Variants in AOPEP observed in about 807,000 individuals in gnomAD.
The protein encoded by AOPEP is aminopeptidase O.
In AOPEP, 77 loss-of-function variants were observed where a neutral mutation model predicts 98.1. The observed-to-expected ratio is 0.78, with a 90% CI of 0.65 to 0.95. The LOEUF (loss-of-function observed/expected upper bound fraction) is 0.95, where lower values mean the gene tolerates loss of function less well. Among genes scored for constraint, AOPEP ranks in the 40% least tolerant of loss-of-function variants. AOPEP has a pLI of 0.00. For synonymous variants in AOPEP, 346 were observed against 365.3 expected, an observed-to-expected ratio of 0.95 and a Z score of 0.60; for missense variants, 1,024 against 1,024.7, an observed-to-expected ratio of 1.00 and a Z score of 0.01.
intron 7 of AOPEP, among the ~76,000 whole-genome samples, chr9:94,941,698 C>T (rs944035120): frequency 6.6e-6 from 1 of 152,186 alleles, no homozygotes; most frequent in Non-Finnish European, 1.5e-5. Flanking sequence ...TTTATTTTTC[C>T]AGACCATTTC....
At chr9:94,774,228 C>T (rs1288276421) in intron 3 of AOPEP, among the ~76,000 whole-genome samples, 1 of 143,280 alleles carries the variant, frequency 7.0e-6, no homozygotes, top group Non-Finnish European at 1.5e-5. Context: ...AGGAGAATGG[C>T]GTGAACCTGG....
intron 5 of AOPEP, among the ~76,000 whole-genome samples, chr9:94,829,796 A>C (rs531616830): frequency 6.6e-6 from 1 of 152,214 alleles, no homozygotes; most frequent in East Asian, 1.9e-4. Flanking sequence ...GGAGGGAACA[A>C]ATGCCTTGAC....
chr9:94,900,072 G>A (rs768676637), intron 5 of AOPEP, among the ~76,000 whole-genome samples: 1 of 152,184 alleles, frequency 6.6e-6, no homozygotes, highest in Non-Finnish European at 1.5e-5. Context: ...GGGAACCCAG[G>A]TTAGAAACCA....
the AOPEP span, among the ~76,000 whole-genome samples, chr9:95,093,556 T>C: frequency 2.0e-5 from 3 of 152,320 alleles, no homozygotes; most frequent in African/African-American, 7.2e-5. Context: ...ATTTTTCTCA[T>C]AGATCACACA....
At chr9:94,989,398 A>G (rs2060736439) in intron 11 of AOPEP, among the ~76,000 whole-genome samples, 1 of 151,346 alleles carries the variant, frequency 6.6e-6, no homozygotes, top group African/African-American at 2.4e-5. Flanking sequence ...CACCGCGCCC[A>G]GCTAATTTTT....
chr9:95,125,886 C>T, the AOPEP span, among the ~76,000 whole-genome samples: 5 of 152,168 alleles, frequency 3.3e-5, no homozygotes, highest in African/African-American at 9.7e-5. Context: ...TCCCCAGGGG[C>T]GTCCAGTCTT....
In AOPEP at chr9:94,972,277, G is replaced by A. The variant is rs142005291; in HGVS notation, c.1916+4476G>A. Among the ~76,000 whole-genome samples the A allele has an allele frequency of 1.3e-5, 2 of 152,312 alleles. No homozygotes were observed. Among genetic ancestry groups the A allele is most frequent in the Non-Finnish European group, 2.9e-5 (2 of 68,022 alleles). On this transcript the variant is annotated intron_variant, in intron 10 of 16. Transcript: ENST00000375315. The surrounding 1 kb of genome is among the most constrained non-coding windows in gnomAD (Gnocchi z 4.2). ...TAGCAGTGGAAATGCAGGAGGGCAG[G>A]TGTTTGGGGAGTCTGAATGGGGCAG...
At chr9:94,815,938 TG>T (rs1851613812) in intron 5 of AOPEP, among the ~76,000 whole-genome samples, 2 of 152,190 alleles carry the variant, frequency 1.3e-5, no homozygotes, top group Non-Finnish European at 2.9e-5. Context: ...AGACAATTTC[TG>T]TAATTTTCTC....
chr9:95,052,412 T>G (rs1236241199), intron 13 of AOPEP, among the ~76,000 whole-genome samples: 1 of 152,226 alleles, frequency 6.6e-6, no homozygotes, highest in Non-Finnish European at 1.5e-5. Flanking sequence ...TACATAAAAT[T>G]CTGAAGATAG....
At chr9:94,886,517 A>G (rs1312010181) in intron 5 of AOPEP, among the ~76,000 whole-genome samples, 1 of 152,240 alleles carries the variant, frequency 6.6e-6, no homozygotes, top group Admixed American at 6.5e-5. Flanking sequence ...AAAATTCAGA[A>G]TATAAATGGC....
chr9:95,020,808 C>T (rs1460882024), intron 13 of AOPEP, among the ~76,000 whole-genome samples: 1 of 148,916 alleles, frequency 6.7e-6, no homozygotes. Context: ...GTCCCAGCTA[C>T]TCAGGAGGCT....
chr9:94,850,946 A>C (rs1173622874), intron 5 of AOPEP, among the ~76,000 whole-genome samples: 1 of 152,208 alleles, frequency 6.6e-6, no homozygotes, highest in Non-Finnish European at 1.5e-5. Context: ...AGACATAGAC[A>C]TACAAGGAAG....
chr9:95,058,485 C>T (rs1382958418), intron 13 of AOPEP, among the ~76,000 whole-genome samples: 1 of 152,166 alleles, frequency 6.6e-6, no homozygotes, highest in Non-Finnish European at 1.5e-5. Context: ...GCTGGTGGTG[C>T]CGAGAATCAC....
chr9:95,026,903 A>C (rs1327617115), intron 13 of AOPEP, among the ~76,000 whole-genome samples: 1 of 152,184 alleles, frequency 6.6e-6, no homozygotes, highest in Non-Finnish European at 1.5e-5. Flanking sequence ...ATTCTTAGGT[A>C]CAGAAGAAAG....
intron 5 of AOPEP, among the ~76,000 whole-genome samples, chr9:94,916,055 C>T (rs573202758): frequency 2.0e-4 from 30 of 152,290 alleles, no homozygotes; most frequent in African/African-American, 6.0e-4. Flanking sequence ...GACTTGTGCT[C>T]GCTGTGAAAA....
At chr9:94,835,424 C>G (rs1449027068) in intron 5 of AOPEP, among the ~76,000 whole-genome samples, 1 of 152,170 alleles carries the variant, frequency 6.6e-6, no homozygotes, top group Admixed American at 6.5e-5. Flanking sequence ...TCACTAGAAA[C>G]AGAACAGTGG....
chr9:94,877,889 T>A lies in AOPEP; in HGVS notation c.1365-46097T>A, dbSNP rs181919605. ...CAACCAGGTTATTCATTGGAAAAGT[T>A]AAAGTGCTGTTTCTAGCGAGTGCAG... On this transcript the variant is annotated intron_variant, in intron 5 of 16. Coordinates refer to ENST00000375315, the MANE Select transcript of AOPEP (RefSeq NM_001193329.3). Among the ~76,000 whole-genome samples the A allele has an allele frequency of 3.9e-5, 6 of 152,324 alleles. No individual in the cohort carries two copies. In the East Asian group the frequency reaches 1.2e-3, roughly 29 times the overall value.
intron 5 of AOPEP, among the ~76,000 whole-genome samples, chr9:94,827,196 G>C (rs1854820343): frequency 6.6e-6 from 1 of 152,178 alleles, no homozygotes; most frequent in South Asian, 2.1e-4. Context: ...CATTAGTAGA[G>C]AGATGGTGGT....
chr9:94,947,238 C>A (rs541541971), intron 7 of AOPEP, among the ~76,000 whole-genome samples: 27 of 152,000 alleles, frequency 1.8e-4, no homozygotes, highest in Non-Finnish European at 3.4e-4. Flanking sequence ...GCCTCGGCCT[C>A]CCAAAGTGCT....
Sources: gnomAD v4.1 joint callset for allele counts (sites outside exome capture counted in the v4.1 genomes callset) on GRCh38, gnomAD v4.1.1 for gene constraint, Gnocchi (gnomAD v3.1) non-coding constraint, MANE v1.5 for transcripts, NCBI Gene and HGNC (gene_info 2026-07-23, HGNC 2026-07-21) for gene names.